The following GRIN2B variants were observed in gnomAD, a reference collection of about 807,000 sequenced individuals.
GRIN2B encodes the protein glutamate receptor ionotropic, NMDA 2B.
In GRIN2B, 5 loss-of-function variants were observed where a neutral mutation model predicts 114.5. The ratio of observed to expected loss-of-function variants is 0.04; its 90% CI spans 0.02 to 0.09. The LOEUF is 0.09. GRIN2B is among the 10% of genes least tolerant of loss of function. The pLI is 1.00. For missense variants in GRIN2B, 1,108 were observed against 1,943.5 expected (o/e 0.57, Z 8.08); for synonymous variants, 787 against 745.1 (o/e 1.06, Z -0.92).
intron 3 of GRIN2B, among the ~76,000 whole-genome samples, chr12:13,756,253 A>G (rs970747328): frequency 6.6e-6 from 1 of 151,884 alleles, no homozygotes; most frequent in Non-Finnish European, 1.5e-5. Context: ...TAACTTCATG[A>G]TCCACCTGCC....
chr12:13,765,147 T>C (rs1445194768), intron 3 of GRIN2B, among the ~76,000 whole-genome samples: 3 of 152,222 alleles, frequency 2.0e-5, no homozygotes, highest in Non-Finnish European at 2.9e-5. Flanking sequence ...CGGTACTGCC[T>C]AAAAGTGCCA....
Position 13,657,459 on chromosome 12 carries a change from AGAGAAG to A in GRIN2B, c.1125+18280_1125+18285del, listed in dbSNP as rs201133016. Among the ~76,000 whole-genome samples, 494 of 152,348 alleles carry A rather than the reference AGAGAAG, an allele frequency of 3.2e-3. 9 individuals are homozygous for A. Among genetic ancestry groups the A allele is most frequent in the Non-Finnish European group, 1.4e-3 (95 of 68,032 alleles). On this transcript the variant is annotated intron_variant, in intron 5 of 13. Transcript: ENST00000609686. The stretch of plus-strand genomic sequence containing the variant: ...AATCCCAGGAGGGCAGTGCTTGCTT[AGAGAAG>A]GAGCAGAGTTCATGTTAGCGATATG...
chr12:13,746,475 A>G (rs1426867787), intron 4 of GRIN2B, among the ~76,000 whole-genome samples: 3 of 151,922 alleles, frequency 2.0e-5, no homozygotes, highest in Non-Finnish European at 1.5e-5. Flanking sequence ...ATTCCTTCCC[A>G]TAGACCATAT....
intron 3 of GRIN2B, among the ~76,000 whole-genome samples, chr12:13,761,792 G>T (rs2136637464): frequency 6.6e-6 from 1 of 152,234 alleles, no homozygotes; most frequent in Non-Finnish European, 1.5e-5. Flanking sequence ...CACAAGGGAA[G>T]AAGGCAGGAA....
At chr12:13,705,780 G>T (rs1026418543) in intron 4 of GRIN2B, among the ~76,000 whole-genome samples, 2 of 152,124 alleles carry the variant, frequency 1.3e-5, no homozygotes, top group Admixed American at 1.3e-4. Context: ...CTTTAATCAA[G>T]ATGGCTAAAG....
chr12:13,699,886 CTT>C (rs5796554), intron 4 of GRIN2B, among the ~76,000 whole-genome samples: 7,589 of 145,730 alleles, frequency 0.052, 603 homozygotes, highest in African/African-American at 0.17. Flanking sequence ...CGCACCCAGC[CTT>C]TTTTTTTTTT....
chr12:13,806,382 CTTG>C (rs1555142141), intron 3 of GRIN2B, among the ~76,000 whole-genome samples: 1 of 152,144 alleles, frequency 6.6e-6, no homozygotes, highest in Non-Finnish European at 1.5e-5. Flanking sequence ...CCCATCAACA[CTTG>C]TTATCTCTTG....
intron 6 of GRIN2B, among the ~76,000 whole-genome samples, chr12:13,616,064 T>C (rs1165031963): frequency 6.6e-6 from 1 of 152,174 alleles, no homozygotes; most frequent in East Asian, 1.9e-4. Context: ...GGAGAACCAT[T>C]ATCCTGACTT....
chr12:13,663,938 A>C (rs1308435172), intron 5 of GRIN2B, among the ~76,000 whole-genome samples: 3 of 152,214 alleles, frequency 2.0e-5, no homozygotes, highest in Admixed American at 6.6e-5. Flanking sequence ...ATTTTACATG[A>C]ATTATAATTT....
intron 2 of GRIN2B, among the ~76,000 whole-genome samples, chr12:13,887,193 T>C (rs1284343190): frequency 6.6e-6 from 1 of 152,202 alleles, no homozygotes. Flanking sequence ...CGTTCAATGA[T>C]ACAGGAGAAA....
At chr12:13,616,109 A>C (rs1365876647) in intron 6 of GRIN2B, among the ~76,000 whole-genome samples, 1 of 152,200 alleles carries the variant, frequency 6.6e-6, no homozygotes, top group Non-Finnish European at 1.5e-5. Flanking sequence ...TTTTTCAAAA[A>C]ATGGTTCTAA....
At chr12:13,660,841 T>C (rs1217869667) in intron 5 of GRIN2B, among the ~76,000 whole-genome samples, 1 of 152,218 alleles carries the variant, frequency 6.6e-6, no homozygotes, top group Non-Finnish European at 1.5e-5. Flanking sequence ...CAAAGCCTCT[T>C]GAGTACGGCT....
intron 5 of GRIN2B, among the ~76,000 whole-genome samples, chr12:13,635,380 T>A (rs2136501521): frequency 6.6e-6 from 1 of 152,272 alleles, no homozygotes; most frequent in African/African-American, 2.4e-5. Flanking sequence ...GAATGGATAC[T>A]TATCTCATTT....
intron 3 of GRIN2B, among the ~76,000 whole-genome samples, chr12:13,818,747 G>A (rs1174558745): frequency 6.6e-6 from 1 of 152,172 alleles, no homozygotes; most frequent in Non-Finnish European, 1.5e-5. Context: ...CATCATGACA[G>A]AGCCTGTCCC....
chr12:13,902,427 C>T (rs1002516162), intron 2 of GRIN2B, among the ~76,000 whole-genome samples: 2 of 152,008 alleles, frequency 1.3e-5, no homozygotes, highest in Non-Finnish European at 2.9e-5. Flanking sequence ...TTGGTCTTTG[C>T]AGATACATTT....
chr12:13,554,149 CTGTTTAG>C lies in GRIN2B; in HGVS notation c.*8627_*8633del, dbSNP rs1332524347. 6.6e-6 allele frequency: 1 copy of C among 152,104 alleles called. No homozygotes were observed. The highest frequency in any genetic ancestry group is 1.5e-5 in the Non-Finnish European group (1 of 68,016). The allele number at this position is 152,104 out of a possible 1,614,324, so 9.4% of individuals were successfully genotyped here. ...TAATGCCTTTCATATACAAGGCACT[CTGTTTAG>C]TGCTACAGGAGATAAAAAGATTTAA... On this transcript the variant is annotated 3_prime_UTR_variant, in exon 14 of 14. Coordinates refer to ENST00000609686, the MANE Select transcript of GRIN2B (RefSeq NM_000834.5).
chr12:13,743,457 A>G (rs1248939368), intron 4 of GRIN2B, among the ~76,000 whole-genome samples: 2 of 151,992 alleles, frequency 1.3e-5, no homozygotes, highest in African/African-American at 2.4e-5. Context: ...GCACACACAT[A>G]CACACACACA....
At chr12:13,742,293 C>T (rs2136617354) in intron 4 of GRIN2B, among the ~76,000 whole-genome samples, 1 of 152,278 alleles carries the variant, frequency 6.6e-6, no homozygotes, top group African/African-American at 2.4e-5. Flanking sequence ...TTTATTAATG[C>T]TGTTGGTTTG....
At chr12:13,627,573 T>A (rs1281542844) in intron 5 of GRIN2B, among the ~76,000 whole-genome samples, 1 of 152,180 alleles carries the variant, frequency 6.6e-6, no homozygotes, top group Non-Finnish European at 1.5e-5. Flanking sequence ...GGGTTGCAAG[T>A]GACAGGCAGA....
Sources: gnomAD v4.1 joint callset for allele counts (sites outside exome capture counted in the v4.1 genomes callset) on GRCh38, gnomAD v4.1.1 for gene constraint, MANE v1.5 for transcripts, NCBI Gene and HGNC (gene_info 2026-07-23, HGNC 2026-07-21) for gene names.